Variants in PLCE1 observed in about 807,000 individuals in gnomAD.
The protein encoded by PLCE1 is 1-phosphatidylinositol 4,5-bisphosphate phosphodiesterase epsilon-1.
Under a neutral mutation model 242.8 loss-of-function variants are expected in PLCE1, and 119 were observed. The ratio of observed to expected loss-of-function variants is 0.49; its 90% CI spans 0.42 to 0.57. PLCE1 has a LOEUF of 0.57. Ranked by LOEUF, PLCE1 falls within the 20% of genes least tolerant of loss-of-function variation. The pLI is 0.00. For synonymous variants in PLCE1, 945 were observed against 1,017.4 expected (o/e 0.93, Z 1.35); for missense variants, 2,441 against 2,788.8 (o/e 0.88, Z 2.81).
In PLCE1 at chr10:94,306,957, G is replaced by T. The variant is rs139118296; in HGVS notation, c.5884+269G>T. 2.6e-5 allele frequency among the ~76,000 whole-genome samples: 4 copies of T among 152,330 alleles called. No individual in the cohort carries two copies. In the East Asian group the frequency reaches 7.7e-4, roughly 29 times the overall value. Reference sequence around the variant, plus strand: ...GCTGATGTCAGGAGCAGTGGTTGTTGCTACCCACGGCACTGCTGGCAGTTT... The same window carrying T: ...GCTGATGTCAGGAGCAGTGGTTGTTTCTACCCACGGCACTGCTGGCAGTTT... On this transcript the variant is annotated intron_variant, in intron 26 of 32. Coordinates refer to ENST00000371380, the MANE Select transcript of PLCE1 (RefSeq NM_016341.4). This position sits in a 1 kb window ranked among gnomAD's most constrained non-coding sequence, Gnocchi z 5.7.
At chr10:94,118,990 A>G (rs2046223619) in intron 2 of PLCE1, among the ~76,000 whole-genome samples, 1 of 152,204 alleles carries the variant, frequency 6.6e-6, no homozygotes, top group South Asian at 2.1e-4. Context: ...GAGAAAGGTG[A>G]CATTTCCTAT....
chr10:94,033,086 G>A (rs188424469), intron 2 of PLCE1, among the ~76,000 whole-genome samples: 36 of 151,980 alleles, frequency 2.4e-4, no homozygotes, highest in Non-Finnish European at 2.4e-4. Flanking sequence ...TAAAGTATAC[G>A]GGAAGATGCA....
At chr10:94,260,978 A>C (rs1239965636) in intron 13 of PLCE1, among the ~76,000 whole-genome samples, 1 of 152,198 alleles carries the variant, frequency 6.6e-6, no homozygotes, top group African/African-American at 2.4e-5. Flanking sequence ...AATTGAGTTA[A>C]TATTGATATA....
At chr10:94,076,172 G>T (rs2044494823) in intron 2 of PLCE1, among the ~76,000 whole-genome samples, 1 of 151,946 alleles carries the variant, frequency 6.6e-6, no homozygotes, top group Non-Finnish European at 1.5e-5. Flanking sequence ...ATGCTAAGCT[G>T]CTTCTGCGGT....
intron 2 of PLCE1, among the ~76,000 whole-genome samples, chr10:94,046,628 A>G (rs757737114): frequency 6.6e-6 from 1 of 152,112 alleles, no homozygotes; most frequent in Non-Finnish European, 1.5e-5. Flanking sequence ...GCCAAACACT[A>G]TTTCTGACCC....
At chr10:94,233,149 G>T (rs2050200399) in intron 5 of PLCE1, among the ~76,000 whole-genome samples, 1 of 152,230 alleles carries the variant, frequency 6.6e-6, no homozygotes, top group East Asian at 1.9e-4. Context: ...TCTTTAGAAG[G>T]TGTGGTGCAT....
rs1476195798 is a variant in PLCE1, at chr10:94,103,272, CA to C, written c.1207-28900del. On this transcript the variant is annotated intron_variant, in intron 2 of 32. Transcript: ENST00000371380. ...ATAGGCAAACTGAGGCTTATTTTTA[CA>C]AGATAAATGGCAAAGCTAGGGCTTG... Among the ~76,000 whole-genome samples, 3 of 152,240 alleles carry C rather than the reference CA, an allele frequency of 2.0e-5. No individual in the cohort carries two copies. The East Asian group carries it at 5.8e-4, about 29-fold the overall frequency.
rs2051012507 is a variant in PLCE1, at chr10:94,254,914, C to T, written c.3419C>T (p.Pro1140Leu). The T allele has an allele frequency of 6.2e-7, 1 of 1,614,076 alleles. No homozygotes were observed. Among genetic ancestry groups the T allele is most frequent in the Non-Finnish European group, 8.5e-7 (1 of 1,179,970 alleles). ...EESEVNAIAN[P>L]PNPLPSRRAH... Reference sequence around the variant, plus strand: ...ACAGAGGTGAATGCCATCGCTAACCCTCCAAACCCCCTCCCTTCCAGAAGA... The same window carrying T: ...ACAGAGGTGAATGCCATCGCTAACCTTCCAAACCCCCTCCCTTCCAGAAGA... The change falls in exon 11 of 33, where the codon CCT becomes CTT. Residue 1140 changes from proline to leucine, a missense_variant. Physicochemically the swap from Pro to Leu is moderately conservative, Grantham distance 98. Around this residue, in one of 5 missense-constraint regions of PLCE1, gnomAD observed 1,004 missense variants for 1,322.7 expected, o/e 0.76. Coordinates refer to ENST00000371380, the MANE Select transcript of PLCE1 (RefSeq NM_016341.4).
At chr10:94,096,495 T>A (rs1012851312) in intron 2 of PLCE1, 1 of 152,140 alleles carries the variant, frequency 6.6e-6, no homozygotes, top group Admixed American at 6.5e-5. Context: ...GGAAAAGCCC[T>A]TTATAAAACC....
intron 25 of PLCE1, among the ~76,000 whole-genome samples, chr10:94,304,869 G>A (rs527710237): frequency 3.1e-4 from 47 of 152,220 alleles, no homozygotes; most frequent in Admixed American, 4.6e-4. Flanking sequence ...GGCATATGAG[G>A]TCCCTGTTTC....
chr10:94,220,373 A>ATT (rs1371080797), intron 4 of PLCE1, among the ~76,000 whole-genome samples: 10 of 46,720 alleles, frequency 2.1e-4, no homozygotes, highest in South Asian at 1.8e-3. Flanking sequence ...AAAACTAAAC[A>ATT]TTTTATATAT....
At chr10:94,216,743 G>A (rs1403547732) in intron 4 of PLCE1, among the ~76,000 whole-genome samples, 3 of 152,030 alleles carry the variant, frequency 2.0e-5, no homozygotes, top group African/African-American at 4.8e-5. Flanking sequence ...AGGAACATTT[G>A]TAAGCAACTG....
intron 5 of PLCE1, among the ~76,000 whole-genome samples, chr10:94,228,203 C>T (rs2050013743): frequency 1.4e-5 from 2 of 147,220 alleles, no homozygotes; most frequent in South Asian, 4.4e-4. Context: ...CCTGCTTTAT[C>T]CCCTTTTAGC....
chr10:94,160,639 C>A (rs1469097088), intron 3 of PLCE1, among the ~76,000 whole-genome samples: 5 of 152,176 alleles, frequency 3.3e-5, no homozygotes, highest in Non-Finnish European at 1.5e-5. Flanking sequence ...TCCCATTTGT[C>A]AATTTTGTCT....
Position 94,030,532 on chromosome 10 carries a change from T to TA in PLCE1, c.-364-141dup, listed in dbSNP as rs59044005. ...GAAGCAGAAGTTCTGAAACATTAAA[T>TA]AAAAAAAAAATACTAAAAACATAAA... On this transcript the variant is annotated intron_variant, in intron 1 of 32. Transcript: ENST00000371380. Among the ~76,000 whole-genome samples the TA allele has an allele frequency of 4.5e-3, 662 of 147,574 alleles. 6 individuals are homozygous for TA. The highest frequency in any genetic ancestry group is 0.032 in the South Asian group (150 of 4,664).
intron 2 of PLCE1, among the ~76,000 whole-genome samples, chr10:94,128,628 G>C (rs1413683083): frequency 6.6e-6 from 1 of 152,120 alleles, no homozygotes; most frequent in Admixed American, 6.6e-5. Context: ...TAGTTTCTTG[G>C]AGGTGATTTG....
Position 94,032,288 on chromosome 10 carries a change from A to G in PLCE1, c.1206+36A>G, listed in dbSNP as rs569325153. The G allele has an allele frequency of 3.7e-6, 6 of 1,604,852 alleles. No homozygotes were observed. In the African/African-American group the frequency reaches 4.0e-5, roughly 11 times the overall value. ...GAGTTTCTTTTTACCATTTCTTTAA[A>G]CTTGCTTTTTTTTTCAAAAAAAAGT... On this transcript the variant is annotated intron_variant, in intron 2 of 32. Coordinates refer to ENST00000371380, the MANE Select transcript of PLCE1 (RefSeq NM_016341.4).
At chr10:94,233,454 C>T (rs2050210286) in intron 5 of PLCE1, among the ~76,000 whole-genome samples, 1 of 152,192 alleles carries the variant, frequency 6.6e-6, no homozygotes, top group Admixed American at 6.5e-5. Flanking sequence ...ACATTACCCT[C>T]TACTTTCCCC....
intron 4 of PLCE1, among the ~76,000 whole-genome samples, chr10:94,213,159 A>G (rs1393737950): frequency 6.6e-6 from 1 of 152,184 alleles, no homozygotes; most frequent in African/African-American, 2.4e-5. Flanking sequence ...CACTGTTTAT[A>G]TCTTAGGTAG....
Sources: gnomAD v4.1 joint callset for allele counts (sites outside exome capture counted in the v4.1 genomes callset) on GRCh38, gnomAD v4.1.1 for gene constraint, gnomAD v4.1.1 regional missense constraint, Gnocchi (gnomAD v3.1) non-coding constraint, MANE v1.5 for transcripts, NCBI Gene and HGNC (gene_info 2026-07-23, HGNC 2026-07-21) for gene names.